The following HIP1R variants were observed in gnomAD, a reference collection of about 807,000 sequenced individuals.
HIP1R encodes huntingtin interacting protein 1 related.
HIP1R carries 135 observed loss-of-function variants against 144.2 expected under a neutral mutation model. That is an observed-to-expected ratio of 0.94 (90% CI 0.81 to 1.08). HIP1R has a LOEUF of 1.08. Among genes scored for constraint, HIP1R ranks in the 50% least tolerant of loss-of-function variants. The pLI, the probability that HIP1R is intolerant of heterozygous loss-of-function variation, is 0.00. For synonymous variants in HIP1R, 698 were observed against 612.8 expected (o/e 1.14, Z -2.05); for missense variants, 1,462 against 1,432.8 (o/e 1.02, Z -0.33).
chr12:122,848,232 T>C (rs1030655220), intron 2 of HIP1R, 138 bp downstream of exon 2: 2 of 998,700 alleles, frequency 2.0e-6, no homozygotes, highest in Non-Finnish European at 3.0e-6. Flanking sequence ...CTGTGCAGCT[T>C]GGCTCCTTCC....
Position 122,857,433 on chromosome 12 carries a change from C to T in HIP1R, c.1815+218C>T. The T allele has an allele frequency of 6.5e-6, 4 of 613,354 alleles. No homozygotes were observed. The South Asian group carries it at 7.5e-5, about 11-fold the overall frequency. 38.0% of individuals were successfully genotyped at this position (613,354 alleles called of 1,614,324 possible). A position where few individuals can be genotyped will look rare whatever the true frequency, so the allele number is the denominator to read the frequency against. On this transcript the variant is annotated intron_variant, in intron 18 of 31. Transcript: ENST00000253083. ...TCATTCCTTTTATGGCTGAGTCGTA[C>T]TCTGCCGTGTGGACAGACCACATTG...
intron 1 of HIP1R, among the ~76,000 whole-genome samples, chr12:122,844,779 ACTC>A (rs1306632943): frequency 1.3e-5 from 2 of 150,540 alleles, no homozygotes; most frequent in East Asian, 2.0e-4. Flanking sequence ...AATCCCTTCC[ACTC>A]CTCAAAGGCT....
chr12:122,858,942 G>T lies in HIP1R; in HGVS notation c.2155G>T (p.Asp719Tyr), dbSNP rs767839373. ...TSHLAPTDPA[D>Y]RLIDTCRECG... ...GCACCTGGCTCCCACCGACCCTGCC[G>T]ACCGTAAGTGGGTCCTGGGATGGCA... Residue 719 changes from aspartate to tyrosine, a missense_variant, in exon 21 of 32, where the codon GAC becomes TAC. Asp to Tyr is a radical substitution (Grantham distance 160, BLOSUM62 -3). Coordinates refer to ENST00000253083, the MANE Select transcript of HIP1R (RefSeq NM_003959.3). 5 of 1,612,838 alleles carry T rather than the reference G, an allele frequency of 3.1e-6. No homozygotes were observed. The highest frequency in any genetic ancestry group is 1.1e-5 in the South Asian group (1 of 91,074).
At chr12:122,847,719 G>A (rs1423924870) in intron 1 of HIP1R, among the ~76,000 whole-genome samples, 1 of 152,160 alleles carries the variant, frequency 6.6e-6, no homozygotes, top group Non-Finnish European at 1.5e-5. Flanking sequence ...TGGGGCTCAG[G>A]GCACCACATC....
Position 122,854,202 on chromosome 12 carries a change from C to T in HIP1R, c.718+19C>T. Reference sequence around the variant, plus strand: ...CACTCTTGTGAGTGGCCCAGGGCAACCCCTGGCCCGGAAGGCTGTGTTTAT... The same window carrying T: ...CACTCTTGTGAGTGGCCCAGGGCAATCCCTGGCCCGGAAGGCTGTGTTTAT... On this transcript the variant is annotated intron_variant, in intron 8 of 31. Coordinates refer to ENST00000253083, the MANE Select transcript of HIP1R (RefSeq NM_003959.3). The T allele has an allele frequency of 1.2e-6, 2 of 1,607,064 alleles. No individual in the cohort carries two copies.
chr12:122,835,709 C>T (rs1018701939), intron 1 of HIP1R, 66 bp downstream of exon 1: 1 of 1,005,458 alleles, frequency 9.9e-7, no homozygotes, highest in African/African-American at 1.7e-5. Flanking sequence ...CGTCCCTGAC[C>T]CCTCACGCGC....
intron 4 of HIP1R, 27 bp from the exon 5 acceptor site, chr12:122,849,848 C>T: frequency 6.4e-7 from 1 of 1,570,280 alleles, no homozygotes; most frequent in African/African-American, 1.3e-5. Flanking sequence ...CGAGCCGTGG[C>T]CCCTCACCCT....
Position 122,848,030 on chromosome 12 carries a change from G to A in HIP1R, c.94-1G>A. 1 of 1,613,586 alleles carries A rather than the reference G, an allele frequency of 6.2e-7. No homozygotes were observed. Reference sequence around the variant, plus strand: ...AAACACTGCTCCTTTGTCCCTCACAGGCCATCAGCATCAGCAAAGCCATCA... The same window carrying A: ...AAACACTGCTCCTTTGTCCCTCACAAGCCATCAGCATCAGCAAAGCCATCA... On this transcript the variant is annotated splice_acceptor_variant, in intron 1 of 31. Transcript: ENST00000253083. LOFTEE classifies it high-confidence loss of function.
In HIP1R at chr12:122,855,548, C is replaced by G. The variant is rs2033541419; in HGVS notation, c.994-3C>G. Reference sequence around the variant, plus strand: ...GTGGGGTCACCATGCTTTGCTGTGGCAGGTGGTGGCTGACCTCTTCGATCA... The same window carrying G: ...GTGGGGTCACCATGCTTTGCTGTGGGAGGTGGTGGCTGACCTCTTCGATCA... On this transcript the variant is annotated splice_region_variant and splice_polypyrimidine_tract_variant and intron_variant, in intron 11 of 31. Transcript: ENST00000253083. The G allele has an allele frequency of 1.3e-6, 2 of 1,549,400 alleles. No individual in the cohort carries two copies. The highest frequency in any genetic ancestry group is 1.4e-5 in the African/African-American group (1 of 72,986).
Position 122,861,934 on chromosome 12 carries a change from G to A in HIP1R, c.*181G>A. 1.7e-6 allele frequency: 1 copy of A among 574,962 alleles called. No individual in the cohort carries two copies. The highest frequency in any genetic ancestry group is 3.0e-6 in the Non-Finnish European group (1 of 329,296). The allele number at this position is 574,962 out of a possible 1,614,324, so 35.6% of individuals were successfully genotyped here. On this transcript the variant is annotated 3_prime_UTR_variant, in exon 32 of 32. Transcript: ENST00000253083. ...TGCAGGGTCCTGGGCCATGTGGGTG[G>A]TGCTTCTGGATGTGAGTCTCTTATT...
intron 1 of HIP1R, among the ~76,000 whole-genome samples, chr12:122,846,130 C>G (rs908066757): frequency 6.6e-6 from 1 of 152,176 alleles, no homozygotes; most frequent in African/African-American, 2.4e-5. Context: ...ACACGCCTGG[C>G]TTGTGACAGG....
intron 1 of HIP1R, among the ~76,000 whole-genome samples, chr12:122,838,588 C>T (rs921808): frequency 0.8 from 121,590 of 152,106 alleles, 49,581 homozygotes; most frequent in Middle Eastern, 0.9. Flanking sequence ...TTCCAGCTAT[C>T]GTATAGGGCT....
rs373683201 is a variant in HIP1R, at chr12:122,862,418, C to G, written c.*665C>G. ...TTCTGGGGAGTGAGGTGAGACATAGCGGCCCGGGCGCTGCCTTCACTCCTG... is the reference window on the plus strand; with the variant it reads ...TTCTGGGGAGTGAGGTGAGACATAGGGGCCCGGGCGCTGCCTTCACTCCTG... On this transcript the variant is annotated 3_prime_UTR_variant, in exon 32 of 32. Coordinates refer to ENST00000253083, the MANE Select transcript of HIP1R (RefSeq NM_003959.3). 7.8e-6 allele frequency: 1 copy of G among 128,634 alleles called. No individual in the cohort carries two copies. The highest frequency in any genetic ancestry group is 1.7e-5 in the Non-Finnish European group (1 of 60,470). The allele number at this position is 128,634 out of a possible 1,614,324, so 8.0% of individuals were successfully genotyped here. A position where few individuals can be genotyped will look rare whatever the true frequency, so the allele number is the denominator to read the frequency against.
intron 3 of HIP1R, 75 bp downstream of exon 3, chr12:122,848,683 C>T (rs2033285225): frequency 6.3e-7 from 1 of 1,593,930 alleles, no homozygotes; most frequent in Admixed American, 1.7e-5. Context: ...TGGCCCTGTT[C>T]CTGTCCCCGT....
At chr12:122,846,944 G>A (rs915708956) in intron 1 of HIP1R, among the ~76,000 whole-genome samples, 2 of 152,234 alleles carry the variant, frequency 1.3e-5, no homozygotes, top group African/African-American at 2.4e-5. Context: ...GGGAGAAGGC[G>A]CAGGAGCGCT....
In HIP1R at chr12:122,858,260, G is replaced by T; in HGVS notation, c.1963+11G>T. On this transcript the variant is annotated intron_variant, in intron 19 of 31. Transcript: ENST00000253083. ...GTACCAGCTCCCCAGGTAGACAGTG[G>T]GGCCACACTCAGCCGCTCCCCTGCC... 1 of 1,581,494 alleles carries T rather than the reference G, an allele frequency of 6.3e-7. No individual in the cohort carries two copies. The highest frequency in any genetic ancestry group is 8.6e-7 in the Non-Finnish European group (1 of 1,158,016).
At chr12:122,845,975 C>A (rs536414261) in intron 1 of HIP1R, among the ~76,000 whole-genome samples, 1 of 152,320 alleles carries the variant, frequency 6.6e-6, no homozygotes, top group South Asian at 2.1e-4. Flanking sequence ...TCAGGAGAAA[C>A]CCCCGCATCT....
intron 3 of HIP1R, 62 bp from the exon 4 acceptor site, chr12:122,848,734 G>A (rs2033288123): frequency 6.2e-7 from 1 of 1,604,692 alleles, no homozygotes; most frequent in South Asian, 1.1e-5. Flanking sequence ...GGGAGTGCGT[G>A]TCTCAGGGCC....
At chr12:122,858,676 A>T in intron 20 of HIP1R, 162 bp from the exon 21 acceptor site, 1 of 671,756 alleles carries the variant, frequency 1.5e-6, no homozygotes, top group Non-Finnish European at 2.6e-6. Flanking sequence ...GCCCGGGGCC[A>T]CACACACTGT....
Sources: allele counts gnomAD v4.1 joint callset (sites outside exome capture counted in the v4.1 genomes callset), GRCh38; gene constraint gnomAD v4.1.1; transcripts MANE v1.5; gene names NCBI Gene and HGNC (gene_info 2026-07-23, HGNC 2026-07-21).